PDE4D: variants seen among roughly 807,000 people sequenced by gnomAD.
PDE4D encodes phosphodiesterase 4D.
Under a neutral mutation model 87.4 loss-of-function variants are expected in PDE4D, and 24 were observed. That is an observed-to-expected ratio of 0.27 (90% confidence interval 0.20 to 0.39). The LOEUF is 0.39. Ranked by LOEUF, PDE4D falls within the 10% of genes least tolerant of loss-of-function variation. The pLI, the probability that PDE4D is intolerant of heterozygous loss-of-function variation, is 1.00. For missense variants in PDE4D, 714 were observed against 1,041.0 expected (o/e 0.69, Z 4.32); for synonymous variants, 384 against 383.2 (o/e 1.00, Z -0.02).
chr5:59,414,695 T>C (rs1793285774), intron 1 of PDE4D, among the ~76,000 whole-genome samples: 1 of 152,218 alleles, frequency 6.6e-6, no homozygotes. Context: ...TGTGCTCTGT[T>C]ACAGAGATAT....
At chr5:60,160,800 C>T (rs1245536132) in intron 2 of PDE4D, 1 of 453,230 alleles carries the variant, frequency 2.2e-6, no homozygotes, top group African/African-American at 2.0e-5. Flanking sequence ...TTCCTCTCCA[C>T]ATCTCTTACT....
rs111920744 is a variant in PDE4D, at chr5:60,424,958, T to C, written c.-90+62984A>G. Among the ~76,000 whole-genome samples, 7 of 152,234 alleles carry C rather than the reference T, an allele frequency of 4.6e-5. 1 individual carries two copies. Among genetic ancestry groups the C allele is most frequent in the East Asian group, 1.9e-4 (1 of 5,180 alleles). On this transcript the variant is annotated intron_variant, in intron 1 of 16. Coordinates refer to the PDE4D transcript ENST00000502484. ...ATTGCTACAAAGAGAATAAAATACC[T>C]AGGAATCCAACTTACAAGGGATGTG...
chr5:60,022,578 GCTCT>G (rs1401652012), intron 2 of PDE4D: 2 of 152,048 alleles, frequency 1.3e-5, no homozygotes, highest in Non-Finnish European at 2.9e-5. Flanking sequence ...GAGCATCCCA[GCTCT>G]CTCTCTGTCT....
chr5:59,644,273 A>G (rs1742094871), intron 1 of PDE4D, among the ~76,000 whole-genome samples: 1 of 152,174 alleles, frequency 6.6e-6, no homozygotes, highest in Non-Finnish European at 1.5e-5. Context: ...CAGCCAGCTG[A>G]AGAGATTTTT....
In PDE4D at chr5:59,201,139, C is replaced by T. The variant is rs963505805; in HGVS notation, c.648-7603G>A. 6.6e-5 allele frequency among the ~76,000 whole-genome samples: 10 copies of T among 151,964 alleles called. No individual in the cohort carries two copies. In the East Asian group the frequency reaches 9.7e-4, roughly 15 times the overall value. ...AAAATAATCATATGGGTTTTTCAGA[C>T]GAATTTCAGTTCATTTATCATTCAT... On this transcript the variant is annotated intron_variant, in intron 2 of 14. Coordinates refer to ENST00000340635, the MANE Select transcript of PDE4D (RefSeq NM_001104631.2).
At chr5:59,829,551 C>T (rs1740864732) in intron 1 of PDE4D, among the ~76,000 whole-genome samples, 1 of 151,954 alleles carries the variant, frequency 6.6e-6, no homozygotes, top group South Asian at 2.1e-4. Context: ...AGAAAAGTTA[C>T]TCTCATTACA....
chr5:59,838,372 T>C (rs912114335), intron 1 of PDE4D, among the ~76,000 whole-genome samples: 2 of 152,114 alleles, frequency 1.3e-5, no homozygotes, highest in Non-Finnish European at 2.9e-5. Context: ...ATTTCTTTCA[T>C]ATCCCCATAA....
At chr5:60,360,054 C>T (rs12656871) in intron 1 of PDE4D, among the ~76,000 whole-genome samples, 24,655 of 152,060 alleles carry the variant, frequency 0.16, 2,340 homozygotes, top group South Asian at 0.28. Context: ...TGGGTAAGCC[C>T]CAACAAGAAC....
At chr5:60,480,798 A>C (rs1382502900) in intron 1 of PDE4D, among the ~76,000 whole-genome samples, 5 of 152,160 alleles carry the variant, frequency 3.3e-5, no homozygotes, top group Non-Finnish European at 7.4e-5. Context: ...TAAAACTGAG[A>C]CATATCAGTG....
chr5:59,644,097 G>A (rs1408805767), intron 1 of PDE4D, among the ~76,000 whole-genome samples: 1 of 152,160 alleles, frequency 6.6e-6, no homozygotes, highest in Non-Finnish European at 1.5e-5. Context: ...GACATTTGTA[G>A]GAGAACAGGA....
At chr5:60,088,236 G>A (rs567092136) in intron 2 of PDE4D, among the ~76,000 whole-genome samples, 16 of 150,796 alleles carry the variant, frequency 1.1e-4, no homozygotes, top group African/African-American at 2.2e-4. Context: ...ACGACACTTC[G>A]CCTACAAAAA....
intron 1 of PDE4D, among the ~76,000 whole-genome samples, chr5:59,468,960 C>A (rs140624425): frequency 6.6e-6 from 1 of 152,132 alleles, no homozygotes; most frequent in Non-Finnish European, 1.5e-5. Context: ...AGGCCTCCTG[C>A]AATATGAGAC....
At chr5:59,175,780 C>CTTTTTTTTTTT (rs1783767325) in intron 5 of PDE4D, among the ~76,000 whole-genome samples, 1 of 91,554 alleles carries the variant, frequency 1.1e-5, no homozygotes, top group African/African-American at 5.1e-5. Flanking sequence ...GCCCGGCCTC[C>CTTTTTTTTTTT]ATTTTTTTTT....
intron 3 of PDE4D, among the ~76,000 whole-genome samples, chr5:59,957,285 A>G (rs1055353473): frequency 6.6e-6 from 1 of 152,066 alleles, no homozygotes; most frequent in African/African-American, 2.4e-5. Context: ...GAGTGTTGTC[A>G]TATGAAGGAG....
intron 1 of PDE4D, among the ~76,000 whole-genome samples, chr5:59,736,034 TTAAAATAA>T (rs1758021006): frequency 6.6e-6 from 1 of 151,814 alleles, no homozygotes; most frequent in South Asian, 2.1e-4. Context: ...AAATAGTTGC[TTAAAATAA>T]AGAGTCAAAT....
At chr5:59,286,531 T>A (rs922319931) in intron 1 of PDE4D, among the ~76,000 whole-genome samples, 1 of 152,210 alleles carries the variant, frequency 6.6e-6, no homozygotes, top group Non-Finnish European at 1.5e-5. Flanking sequence ...GTAGAATGGG[T>A]AAACTTATTA....
chr5:59,044,423 C>G lies in PDE4D; in HGVS notation c.809-5452G>C, dbSNP rs147425472. 8.7e-4 allele frequency among the ~76,000 whole-genome samples: 133 copies of G among 152,308 alleles called. 2 individuals carry two copies. The highest frequency in any genetic ancestry group is 3.0e-3 in the African/African-American group (125 of 41,574). On this transcript the variant is annotated intron_variant, in intron 5 of 14. Coordinates refer to ENST00000340635, the MANE Select transcript of PDE4D (RefSeq NM_001104631.2). ...CCAGCTTCTCTTCTCTTAATTCTTA[C>G]AAAATTTCCCCTTTGTTCTACGGAA... is the stretch of plus-strand genomic sequence containing the variant.
chr5:59,827,384 A>T (rs185845718), intron 1 of PDE4D, among the ~76,000 whole-genome samples: 13 of 152,252 alleles, frequency 8.5e-5, no homozygotes, highest in African/African-American at 3.1e-4. Context: ...TGCAAGTGTT[A>T]AACATTGTTG....
At chr5:59,550,591 T>C (rs1817952425) in intron 1 of PDE4D, among the ~76,000 whole-genome samples, 1 of 152,224 alleles carries the variant, frequency 6.6e-6, no homozygotes, top group Non-Finnish European at 1.5e-5. Flanking sequence ...GTTTAATTTG[T>C]ATTTCTTTAA....
Sources: gnomAD v4.1 joint callset for allele counts (sites outside exome capture counted in the v4.1 genomes callset) on GRCh38, gnomAD v4.1.1 for gene constraint, MANE v1.5 for transcripts, NCBI Gene and HGNC (gene_info 2026-07-23, HGNC 2026-07-21) for gene names.